The following BIRC6 variants were observed in gnomAD, a reference collection of about 807,000 sequenced individuals.
The protein encoded by BIRC6 is dual E2 ubiquitin-conjugating enzyme/E3 ubiquitin-protein ligase BIRC6.
A neutral mutation model predicts 503.3 loss-of-function variants in BIRC6; 98 were observed. The observed-to-expected ratio is 0.19, with a 90% CI of 0.17 to 0.23. The LOEUF is 0.23. Ranked by LOEUF, BIRC6 falls within the 10% of genes least tolerant of loss-of-function variation. BIRC6 has a pLI of 1.00. For missense variants in BIRC6, 5,360 were observed against 5,806.0 expected (o/e 0.92, Z 2.50); for synonymous variants, 2,240 against 2,078.7 (o/e 1.08, Z -2.11).
At position 32,535,142 on chromosome 2, in the gene BIRC6, C is replaced by G. The variant is rs571885204; in HGVS notation, c.12291+3591C>G. 2.8e-4 allele frequency among the ~76,000 whole-genome samples: 3 copies of G among 10,778 alleles called. 1 individual carries two copies. The highest frequency in any genetic ancestry group is 6.0e-3 in the South Asian group (2 of 336). The allele number at this position is 10,778 out of a possible 152,430, so 7.1% of individuals were successfully genotyped here. ...GCAACATAACAAGACCTCATACCCC[C>G]AAAAAAGCAAAAAAAAAAAAAAAAA... On this transcript the variant is annotated intron_variant, in intron 61 of 73. Transcript: ENST00000421745.
chr2:32,460,997 G>C (rs866099260), intron 23 of BIRC6, among the ~76,000 whole-genome samples: 1,866 of 114,546 alleles, frequency 0.016, 21 homozygotes, highest in Non-Finnish European at 0.024. Context: ...GCTCTGCTCT[G>C]CTCTCTTCTC....
intron 57 of BIRC6, chr2:32,522,697 T>A (rs1198573506): frequency 6.6e-6 from 1 of 152,184 alleles, no homozygotes; most frequent in Non-Finnish European, 1.5e-5. Context: ...ATTCACTAGA[T>A]GTCTAAGAGC....
In BIRC6 at chr2:32,357,229, TGA is replaced by T. The variant is rs1479476671; in HGVS notation, c.70_71del (p.Ser24ArgfsTer63). 1.3e-6 allele frequency: 2 copies of T among 1,530,464 alleles called. No homozygotes were observed. The highest frequency in any genetic ancestry group is 4.1e-5 in the Admixed American group (2 of 48,382). 94.8% of individuals were successfully genotyped at this position (1,530,464 alleles called of 1,614,324 possible). A position where few individuals can be genotyped will look rare whatever the true frequency, so the allele number is the denominator to read the frequency against. ...GAGCCGCTTCCCAGTGTGATTGTGC[TGA>T]GCGCAGGCCGGAAGATGGCGGCTGC... On this transcript the variant is annotated frameshift_variant, in exon 1 of 74. Transcript: ENST00000421745. LOFTEE classifies it high-confidence loss of function. This position sits in a 1 kb window ranked among gnomAD's most constrained non-coding sequence, Gnocchi z 4.9.
intron 69 of BIRC6, 38 bp downstream of exon 69, chr2:32,598,006 C>A (rs1188812145): frequency 6.6e-7 from 1 of 1,504,228 alleles, no homozygotes; most frequent in Admixed American, 1.9e-5. Flanking sequence ...TCCCTTATCT[C>A]CTTGGCTCAT....
intron 65 of BIRC6, among the ~76,000 whole-genome samples, chr2:32,555,572 G>A (rs146094190): frequency 2.4e-4 from 37 of 152,094 alleles, no homozygotes; most frequent in African/African-American, 7.2e-4. Context: ...CCCAGAGGCC[G>A]AGGTTGCAGT....
At chr2:32,385,073 C>A (rs1249739392) in intron 3 of BIRC6, among the ~76,000 whole-genome samples, 1 of 152,182 alleles carries the variant, frequency 6.6e-6, no homozygotes, top group East Asian at 1.9e-4. Flanking sequence ...CATACAAGAA[C>A]AGTCATACAT....
chr2:32,550,079 G>C (rs1305300433), intron 65 of BIRC6, among the ~76,000 whole-genome samples: 1 of 152,128 alleles, frequency 6.6e-6, no homozygotes, highest in Non-Finnish European at 1.5e-5. Context: ...GTTCAGAAAT[G>C]TATAGATATT....
intron 66 of BIRC6, among the ~76,000 whole-genome samples, chr2:32,587,646 C>T (rs1281019777): frequency 1.3e-5 from 2 of 152,108 alleles, no homozygotes; most frequent in Non-Finnish European, 2.9e-5. Flanking sequence ...ATCGCTTGAA[C>T]CTGGGAGGTG....
At chr2:32,390,942 A>G (rs889654487) in intron 4 of BIRC6, among the ~76,000 whole-genome samples, 1 of 152,260 alleles carries the variant, frequency 6.6e-6, no homozygotes, top group East Asian at 1.9e-4. Flanking sequence ...CTTGGGCAAC[A>G]TGCAGACTAT....
chr2:32,466,081 GTTCT>G (rs913990311), intron 26 of BIRC6, among the ~76,000 whole-genome samples: 14 of 151,870 alleles, frequency 9.2e-5, no homozygotes, highest in African/African-American at 3.4e-4. Flanking sequence ...GGATAACTAT[GTTCT>G]TTCTTTTTTT....
intron 10 of BIRC6, among the ~76,000 whole-genome samples, chr2:32,428,446 A>T (rs1335739521): frequency 6.6e-6 from 1 of 152,200 alleles, no homozygotes; most frequent in East Asian, 1.9e-4. Context: ...ATCAAGTCCC[A>T]TCTGGAGATA....
At chr2:32,488,842 C>A in intron 42 of BIRC6, 128 bp downstream of exon 42, 2 of 664,680 alleles carry the variant, frequency 3.0e-6, no homozygotes, top group South Asian at 6.6e-5. Flanking sequence ...AACAGAATAC[C>A]TTTTTAAAAA....
At chr2:32,603,308 C>G (rs1327128806) in intron 71 of BIRC6, among the ~76,000 whole-genome samples, 4 of 152,004 alleles carry the variant, frequency 2.6e-5, no homozygotes, top group Non-Finnish European at 5.9e-5. Context: ...TGAGTTTAGC[C>G]AAAACTCCCA....
At chr2:32,574,304 A>T (rs914965733) in intron 65 of BIRC6, among the ~76,000 whole-genome samples, 1 of 151,358 alleles carries the variant, frequency 6.6e-6, no homozygotes, top group Admixed American at 6.6e-5. Context: ...TTTTGTAGAG[A>T]TGGAAGTTTT....
intron 10 of BIRC6, among the ~76,000 whole-genome samples, chr2:32,427,259 C>A (rs927641715): frequency 5.3e-5 from 8 of 151,510 alleles, no homozygotes; most frequent in African/African-American, 1.9e-4. Flanking sequence ...CTGTAGGTCT[C>A]CAAGCTTCTT....
At chr2:32,571,862 G>A (rs2059936405) in intron 65 of BIRC6, among the ~76,000 whole-genome samples, 1 of 151,950 alleles carries the variant, frequency 6.6e-6, no homozygotes, top group Admixed American at 6.6e-5. Context: ...GGCTTTTAAG[G>A]CTATACACTT....
At chr2:32,508,383 G>A in intron 51 of BIRC6, 124 bp downstream of exon 51, 1 of 1,238,942 alleles carries the variant, frequency 8.1e-7, no homozygotes, top group Non-Finnish European at 1.1e-6. Context: ...TTGTTCCATA[G>A]GTATCTGTAT....
intron 70 of BIRC6, 113 bp from the exon 71 acceptor site, chr2:32,602,893 A>T (rs2151560272): frequency 2.5e-6 from 2 of 785,266 alleles, no homozygotes; most frequent in Middle Eastern, 6.1e-4. Context: ...TCTAGGGGAC[A>T]TATAAAACTG....
intron 5 of BIRC6, 103 bp downstream of exon 5, chr2:32,392,253 C>A: frequency 2.6e-6 from 2 of 777,828 alleles, no homozygotes; most frequent in Non-Finnish European, 2.1e-6. Context: ...TTTTGTGCAC[C>A]TTGTATGCTT....
Sources: gnomAD v4.1 joint callset for allele counts (sites outside exome capture counted in the v4.1 genomes callset) on GRCh38, gnomAD v4.1.1 for gene constraint, Gnocchi (gnomAD v3.1) non-coding constraint, MANE v1.5 for transcripts, NCBI Gene and HGNC (gene_info 2026-07-23, HGNC 2026-07-21) for gene names.